Variants in SCCPDH observed in about 807,000 individuals in gnomAD.
SCCPDH encodes saccharopine dehydrogenase-like oxidoreductase.
In SCCPDH, 34 loss-of-function variants were observed where a neutral mutation model predicts 51.5. The ratio of observed to expected loss-of-function variants is 0.66; its 90% confidence interval spans 0.50 to 0.88. The LOEUF is 0.88. Among genes scored for constraint, SCCPDH ranks in the 40% least tolerant of loss-of-function variants. The pLI, the probability that SCCPDH is intolerant of heterozygous loss-of-function variation, is 0.00. For synonymous variants in SCCPDH, 187 were observed against 191.3 expected (o/e 0.98, Z 0.19); for missense variants, 464 against 527.1 (o/e 0.88, Z 1.17).
intron 3 of SCCPDH, among the ~76,000 whole-genome samples, chr1:246,738,572 T>G (rs1448128732): frequency 6.6e-6 from 1 of 150,434 alleles, no homozygotes; most frequent in African/African-American, 2.5e-5. Flanking sequence ...ATAAAGACAA[T>G]TTATTTTAAA....
chr1:246,729,171 A>G (rs1000522110), intron 2 of SCCPDH, among the ~76,000 whole-genome samples: 4 of 152,222 alleles, frequency 2.6e-5, no homozygotes, highest in African/African-American at 4.8e-5. Flanking sequence ...TCACAAGGCC[A>G]GGGCAAAATT....
intron 5 of SCCPDH, among the ~76,000 whole-genome samples, chr1:246,744,563 C>T (rs571090434): frequency 4.1e-4 from 61 of 150,410 alleles, no homozygotes; most frequent in African/African-American, 1.3e-3. Flanking sequence ...TCAGGTGATC[C>T]GCCCACCTCA....
chr1:246,724,500 G>T lies in SCCPDH; in HGVS notation c.78G>T (p.Glu26Asp). ...SGFTGQFVTE[E>D]VAREQVDPER... ...TCACCGGCCAGTTCGTGACCGAGGA[G>T]GTGGCCCGGGAGCAGGTGGACCCGG... Residue 26 changes from glutamate to aspartate, a missense_variant, in exon 1 of 12, where the codon GAG (glutamate) becomes GAT (aspartate). Physicochemically the swap from Glu to Asp is conservative, Grantham distance 45. Coordinates refer to ENST00000366510, the MANE Select transcript of SCCPDH (RefSeq NM_016002.3). The T allele has an allele frequency of 6.3e-7, 1 of 1,578,174 alleles. No homozygotes were observed. The highest frequency in any genetic ancestry group is 8.6e-7 in the Non-Finnish European group (1 of 1,165,342).
intron 7 of SCCPDH, 88 bp downstream of exon 7, chr1:246,759,239 A>T (rs1487470730): frequency 1.3e-6 from 1 of 753,868 alleles, no homozygotes; most frequent in Non-Finnish European, 2.4e-6. Flanking sequence ...TATAAGGCAG[A>T]AAAAGGAAGA....
chr1:246,758,625 CAT>C lies in SCCPDH; in HGVS notation c.695+270_695+271del, dbSNP rs531026592. 5.3e-5 allele frequency among the ~76,000 whole-genome samples: 8 copies of C among 152,282 alleles called. No homozygotes were observed. In the East Asian group the frequency reaches 1.2e-3, roughly 22 times the overall value. On this transcript the variant is annotated intron_variant, in intron 6 of 11. Transcript: ENST00000366510. ...CTTAAGTACTTCGTGTGTAATAAAA[CAT>C]GTGAATCCTAGGAAATAAGTGAATC...
intron 5 of SCCPDH, among the ~76,000 whole-genome samples, chr1:246,744,388 G>A (rs113318940): frequency 0.016 from 2,366 of 151,970 alleles, 28 homozygotes; most frequent in Non-Finnish European, 0.025. Flanking sequence ...GCATGATCTC[G>A]GCTCACTGCA....
chr1:246,726,952 C>T lies in SCCPDH; in HGVS notation c.251C>T (p.Ser84Leu), dbSNP rs202160032. 3.3e-5 allele frequency: 54 copies of T among 1,614,070 alleles called. No individual in the cohort carries two copies. Among genetic ancestry groups the T allele is most frequent in the Non-Finnish European group, 2.7e-5 (32 of 1,180,000 alleles). ...ATCTGTGATATTGCTAATCCAGCCT[C>T]GCTTGATGAAATGGCTAAACAGGCA... ...IIICDIANPASLDEMAKQATV... is the reference protein window; with the variant it reads ...IIICDIANPALLDEMAKQATV... The change falls in exon 2 of 12, where the codon TCG becomes TTG. Residue 84 changes from serine (S) to leucine (L), a missense_variant. Coordinates refer to ENST00000366510, the MANE Select transcript of SCCPDH (RefSeq NM_016002.3).
chr1:246,735,402 T>G (rs1174805501), intron 2 of SCCPDH, among the ~76,000 whole-genome samples: 1 of 152,254 alleles, frequency 6.6e-6, no homozygotes, highest in African/African-American at 2.4e-5. Context: ...AGGGTTCAAC[T>G]CAAGGGAATC....
chr1:246,760,125 C>G (rs762212876), intron 8 of SCCPDH, 46 bp from the exon 9 acceptor site: 18 of 1,593,310 alleles, frequency 1.1e-5, no homozygotes, highest in Non-Finnish European at 9.4e-6. Context: ...AAGTATTTTC[C>G]ATGAGTTTTA....
intron 5 of SCCPDH, among the ~76,000 whole-genome samples, chr1:246,746,748 G>A (rs947969388): frequency 4.6e-5 from 7 of 152,238 alleles, no homozygotes; most frequent in African/African-American, 1.4e-4. Flanking sequence ...CATGGAGACA[G>A]GAGAATTGCT....
chr1:246,747,985 G>A (rs1419327369), intron 5 of SCCPDH, among the ~76,000 whole-genome samples: 2 of 152,196 alleles, frequency 1.3e-5, no homozygotes, highest in African/African-American at 4.8e-5. Flanking sequence ...CTCATTGTAC[G>A]TAACAATTTA....
intron 3 of SCCPDH, among the ~76,000 whole-genome samples, chr1:246,738,627 C>T (rs1020319951): frequency 8.6e-5 from 13 of 151,708 alleles, no homozygotes; most frequent in African/African-American, 2.9e-4. Flanking sequence ...GGCCGAGGCA[C>T]GTGGATCACC....
Position 246,758,737 on chromosome 1 carries a change from T to G in SCCPDH, c.696-297T>G, listed in dbSNP as rs556429774. On this transcript the variant is annotated intron_variant, in intron 6 of 11. Transcript: ENST00000366510. Reference sequence around the variant, plus strand: ...ACTTTTTTTCTTTTTTAAAAATTTATTTTAGTTTAGTTTTATACTGCAGGA... The same window carrying G: ...ACTTTTTTTCTTTTTTAAAAATTTAGTTTAGTTTAGTTTTATACTGCAGGA... Among the ~76,000 whole-genome samples the G allele has an allele frequency of 1.6e-3, 237 of 152,292 alleles. No homozygotes were observed. The highest frequency in any genetic ancestry group is 3.0e-3 in the Non-Finnish European group (204 of 68,040).
chr1:246,749,571 A>G (rs763817516), intron 5 of SCCPDH, among the ~76,000 whole-genome samples: 10 of 152,208 alleles, frequency 6.6e-5, no homozygotes, highest in Non-Finnish European at 1.3e-4. Flanking sequence ...GTGCTGGATT[A>G]CATTGGTTCA....
At chr1:246,727,670 A>C (rs1321304737) in intron 2 of SCCPDH, among the ~76,000 whole-genome samples, 3 of 152,226 alleles carry the variant, frequency 2.0e-5, no homozygotes, top group African/African-American at 7.2e-5. Flanking sequence ...ATTTGAGCCA[A>C]GATCTGAATG....
At chr1:246,742,097 G>A (rs1668690564) in intron 4 of SCCPDH, among the ~76,000 whole-genome samples, 1 of 152,204 alleles carries the variant, frequency 6.6e-6, no homozygotes, top group South Asian at 2.1e-4. Context: ...ACGAATGAAT[G>A]AATGTCAGAA....
rs911955565 is a variant in SCCPDH at position 246,727,624 on chromosome 1, A to G, written c.303+620A>G. On this transcript the variant is annotated intron_variant, in intron 2 of 11. Transcript: ENST00000366510. ...GGTCCTGGCATATTGGTGTTTTTAG[A>G]TGGATGGTCAGGGAAGGTTTCTGTG... Among the ~76,000 whole-genome samples, 3 of 152,336 alleles carry G rather than the reference A, an allele frequency of 2.0e-5. No individual in the cohort carries two copies. The South Asian group carries it at 6.2e-4, about 32-fold the overall frequency.
intron 9 of SCCPDH, among the ~76,000 whole-genome samples, chr1:246,763,995 C>T (rs1157959238): frequency 6.6e-6 from 1 of 152,076 alleles, no homozygotes; most frequent in Non-Finnish European, 1.5e-5. Flanking sequence ...AAACTATCTC[C>T]AGATCATCTT....
chr1:246,765,971 A>G, intron 10 of SCCPDH, 87 bp from the exon 11 acceptor site: 1 of 855,992 alleles, frequency 1.2e-6, no homozygotes, highest in Non-Finnish European at 1.9e-6. Flanking sequence ...CTAGAGTAAG[A>G]TATAAAATCT....
Sources: gnomAD v4.1 joint callset for allele counts (sites outside exome capture counted in the v4.1 genomes callset) on GRCh38, gnomAD v4.1.1 for gene constraint, MANE v1.5 for transcripts, NCBI Gene and HGNC (gene_info 2026-07-23, HGNC 2026-07-21) for gene names.